The following MAPK10 variants were observed in gnomAD, a reference collection of about 807,000 sequenced individuals.
The protein encoded by MAPK10 is mitogen-activated protein kinase 10.
In MAPK10, 25 loss-of-function variants were observed where a neutral mutation model predicts 59.3. The ratio of observed to expected loss-of-function variants is 0.42; its 90% CI spans 0.31 to 0.59. MAPK10 has a LOEUF of 0.59. Ranked by LOEUF, MAPK10 falls within the 20% of genes least tolerant of loss-of-function variation. The pLI is 0.15. For synonymous variants in MAPK10, 190 were observed against 200.5 expected, an observed-to-expected ratio of 0.95 and a Z score of 0.44; for missense variants, 351 against 568.9, an observed-to-expected ratio of 0.62 and a Z score of 3.90.
At chr4:86,576,690 GCA>G (rs1761920348) in intron 1 of MAPK10, among the ~76,000 whole-genome samples, 1 of 151,940 alleles carries the variant, frequency 6.6e-6, no homozygotes, top group Non-Finnish European at 1.5e-5. Context: ...CAGGAGAATG[GCA>G]TGAACCCGGG....
At chr4:86,393,792 CTGACT>C (rs1742545258) in intron 1 of MAPK10, among the ~76,000 whole-genome samples, 1 of 152,138 alleles carries the variant, frequency 6.6e-6, no homozygotes, top group African/African-American at 2.4e-5. Flanking sequence ...CAATAGAGAC[CTGACT>C]TGAAGTTCCA....
intron 3 of MAPK10, among the ~76,000 whole-genome samples, chr4:86,168,641 A>G (rs1197979280): frequency 3.9e-5 from 6 of 152,178 alleles, no homozygotes; most frequent in Admixed American, 6.5e-5. Context: ...CAGGGCACAG[A>G]CAAACAAAAA....
At chr4:86,583,554 G>A (rs188395431) in intron 1 of MAPK10, among the ~76,000 whole-genome samples, 43 of 152,264 alleles carry the variant, frequency 2.8e-4, no homozygotes, top group African/African-American at 9.4e-4. Flanking sequence ...AAAGAGGATC[G>A]AATGTGTGGA....
At chr4:86,478,756 C>T (rs926807047) in intron 1 of MAPK10, among the ~76,000 whole-genome samples, 6 of 152,128 alleles carry the variant, frequency 3.9e-5, no homozygotes, top group Non-Finnish European at 5.9e-5. Context: ...TGTTCCTCAC[C>T]CAGATCACAC....
At position 86,267,169 on chromosome 4, in the gene MAPK10, A is replaced by G. The variant is rs1046612474; in HGVS notation, c.-6-72762T>C. Among the ~76,000 whole-genome samples the G allele has an allele frequency of 3.9e-5, 6 of 152,352 alleles. No individual in the cohort carries two copies. In the East Asian group the frequency reaches 1.2e-3, roughly 29 times the overall value. ...AAAATAAATACTGTCCTGAACAGAA[A>G]AGTTCACAGAAGTTATTATTTTAGC... On this transcript the variant is annotated intron_variant, in intron 2 of 13. Coordinates refer to ENST00000641462, the MANE Select transcript of MAPK10 (RefSeq NM_138982.4).
chr4:86,174,270 C>T (rs375180882), intron 3 of MAPK10, among the ~76,000 whole-genome samples: 11 of 152,248 alleles, frequency 7.2e-5, no homozygotes, highest in East Asian at 1.9e-4. Context: ...ACATATACAC[C>T]GTGGAATACT....
At chr4:86,581,054 G>C (rs547876337) in intron 1 of MAPK10, among the ~76,000 whole-genome samples, 3 of 152,198 alleles carry the variant, frequency 2.0e-5, no homozygotes, top group Non-Finnish European at 2.9e-5. Context: ...ATGGTGTTTT[G>C]CTTCAATTCT....
intron 3 of MAPK10, among the ~76,000 whole-genome samples, chr4:86,180,574 T>G (rs1354349429): frequency 1.3e-5 from 2 of 150,392 alleles, no homozygotes; most frequent in Admixed American, 1.3e-4. Flanking sequence ...CTATTCACAA[T>G]AGCCAAGACA....
At chr4:86,299,368 AC>A (rs1343492409) in intron 2 of MAPK10, among the ~76,000 whole-genome samples, 2 of 152,166 alleles carry the variant, frequency 1.3e-5, no homozygotes, top group Non-Finnish European at 2.9e-5. Context: ...TAGTGATGAT[AC>A]TTTTTCAGAG....
intron 11 of MAPK10, among the ~76,000 whole-genome samples, chr4:86,047,443 C>T (rs185779332): frequency 1.3e-5 from 2 of 152,210 alleles, no homozygotes; most frequent in East Asian, 1.9e-4. Flanking sequence ...ATGCCATATA[C>T]TGGTGCAGAG....
At chr4:86,074,639 T>C (rs2048833623) in intron 9 of MAPK10, among the ~76,000 whole-genome samples, 1 of 138,734 alleles carries the variant, frequency 7.2e-6, no homozygotes, top group Admixed American at 7.0e-5. Flanking sequence ...ATTTTATTTC[T>C]CCTTCACTTA....
At position 86,424,333 on chromosome 4, in the gene MAPK10, G is replaced by A. The variant is rs553986375; in HGVS notation, c.-122+28697C>T. Among the ~76,000 whole-genome samples, 23 of 152,204 alleles carry A rather than the reference G, an allele frequency of 1.5e-4. No individual in the cohort carries two copies. In the East Asian group the frequency reaches 4.3e-3, roughly 28 times the overall value. On this transcript the variant is annotated intron_variant, in intron 1 of 13. Coordinates refer to the MAPK10 transcript ENST00000361569. ...GCTTCCCAAGTAGCTGGGATTACAG[G>A]CACCTGCCACCACGCTCAGATAATT...
rs183045683 is a variant in MAPK10, at chr4:86,166,143, T to C, written c.67-6676A>G. 2.1e-3 allele frequency among the ~76,000 whole-genome samples: 319 copies of C among 152,336 alleles called. 1 individual carries two copies. Among genetic ancestry groups the C allele is most frequent in the Admixed American group, 3.8e-3 (58 of 15,300 alleles). On this transcript the variant is annotated intron_variant, in intron 3 of 13. Transcript: ENST00000641462. ...AAGCTAGTATGAGTAACAGGCAATG[T>C]GCTAGATGTCTAACAAATTATTTCG...
At chr4:86,377,840 C>T (rs972767437) in intron 1 of MAPK10, among the ~76,000 whole-genome samples, 1 of 152,012 alleles carries the variant, frequency 6.6e-6, no homozygotes, top group Non-Finnish European at 1.5e-5. Context: ...GTCCGATGTT[C>T]GAGGGCAGGA....
At chr4:86,532,995 G>T (rs1359635170) in intron 1 of MAPK10, among the ~76,000 whole-genome samples, 1 of 151,866 alleles carries the variant, frequency 6.6e-6, no homozygotes, top group Non-Finnish European at 1.5e-5. Flanking sequence ...TGTGTGTTTT[G>T]TGTGTCCTGC....
chr4:86,067,739 A>AT lies in MAPK10; in HGVS notation c.985+33dup. 1.9e-6 allele frequency: 3 copies of AT among 1,574,808 alleles called. No individual in the cohort carries two copies. The East Asian group carries it at 6.7e-5, about 35-fold the overall frequency. ...TGTGCTTGTTTGGCCCGTCACCCTC[A>AT]TAGTTGTCCTCAAGTCATTCCTGAA... On this transcript the variant is annotated intron_variant, in intron 10 of 13. Transcript: ENST00000641462.
At chr4:86,152,998 G>A (rs1039588245) in intron 4 of MAPK10, among the ~76,000 whole-genome samples, 3 of 152,122 alleles carry the variant, frequency 2.0e-5, no homozygotes, top group Admixed American at 2.0e-4. Context: ...TTATATTTGG[G>A]CTGTAGGTTA....
chr4:86,351,390 TACACAAACACACACACACACAC>T (rs1382411113), intron 2 of MAPK10, among the ~76,000 whole-genome samples: 1 of 110,318 alleles, frequency 9.1e-6, no homozygotes, highest in African/African-American at 3.0e-5. Context: ...ACAGTGTGTA[TACACAAACACACACACACACAC>T]ACACACACAC....
intron 1 of MAPK10, among the ~76,000 whole-genome samples, chr4:86,554,615 A>G (rs1343696846): frequency 1.3e-5 from 2 of 152,204 alleles, no homozygotes; most frequent in Non-Finnish European, 2.9e-5. Context: ...CACTAATTCA[A>G]TTCAGGCTCT....
Sources: gnomAD v4.1 joint callset for allele counts (sites outside exome capture counted in the v4.1 genomes callset) on GRCh38, gnomAD v4.1.1 for gene constraint, MANE v1.5 for transcripts, NCBI Gene and HGNC (gene_info 2026-07-23, HGNC 2026-07-21) for gene names.